The following CCDC125 variants were observed in gnomAD, a reference collection of about 807,000 sequenced individuals.
The protein encoded by CCDC125 is coiled-coil domain-containing protein 125.
A neutral mutation model predicts 57.4 loss-of-function variants in CCDC125; 43 were observed. The ratio of observed to expected loss-of-function variants is 0.75; its 90% CI spans 0.59 to 0.97. CCDC125 has a LOEUF of 0.97. Among genes scored for constraint, CCDC125 ranks in the 50% least tolerant of loss-of-function variants. CCDC125 has a pLI of 0.00. For synonymous variants in CCDC125, 187 were observed against 195.2 expected (o/e 0.96, Z 0.35); for missense variants, 563 against 595.7 (o/e 0.95, Z 0.57).
downstream of CCDC125, among the ~76,000 whole-genome samples, chr5:69,275,186 G>GA (rs1197753255): frequency 6.6e-6 from 1 of 151,990 alleles, no homozygotes; most frequent in Non-Finnish European, 1.5e-5. Context: ...ATAGTAGGGG[G>GA]AAAAAAAGAG....
downstream of CCDC125, among the ~76,000 whole-genome samples, chr5:69,279,519 A>G (rs1482935770): frequency 2.0e-5 from 3 of 152,058 alleles, no homozygotes; most frequent in African/African-American, 7.2e-5. Context: ...TTATAGTTGC[A>G]ATTCTTGTGC....
In CCDC125 at chr5:69,282,752, A is replaced by G. The variant is rs571097830; in HGVS notation, c.1513T>C (p.Leu505=). ...CTTTAAAATATGATACTTGATGGCAAAGAATGGGATCTTTTAAGAGTTCTA... is the reference window on the plus strand; with the variant it reads ...CTTTAAAATATGATACTTGATGGCAGAGAATGGGATCTTTTAAGAGTTCTA... ...NYRTLKRSHS[L]PSSIIF The change falls in exon 12 of 12, where the codon TTG becomes CTG. Residue 505 remains leucine, a synonymous_variant. Coordinates refer to ENST00000396496, the MANE Select transcript of CCDC125 (RefSeq NM_176816.5). 5.0e-6 allele frequency: 8 copies of G among 1,594,676 alleles called. No individual in the cohort carries two copies. The African/African-American group carries it at 8.1e-5, about 16-fold the overall frequency.
chr5:69,285,985 G>T (rs1753281479), intron 10 of CCDC125, among the ~76,000 whole-genome samples: 1 of 151,540 alleles, frequency 6.6e-6, no homozygotes, highest in African/African-American at 2.4e-5. Flanking sequence ...TCTAAAATGA[G>T]AATAGCATTA....
chr5:69,324,195 TA>T (rs975861217), intron 1 of CCDC125, among the ~76,000 whole-genome samples: 1 of 152,138 alleles, frequency 6.6e-6, no homozygotes, highest in Non-Finnish European at 1.5e-5. Flanking sequence ...TTTTCAATGT[TA>T]AAAACAAATA....
At chr5:69,306,958 G>T in intron 5 of CCDC125, 56 bp from the exon 6 acceptor site, 1 of 1,382,072 alleles carries the variant, frequency 7.2e-7, no homozygotes, top group Non-Finnish European at 9.4e-7. Context: ...ATCATTTCAG[G>T]ACATTGTGAA....
At chr5:69,278,823 C>T (rs951971247), downstream of CCDC125, among the ~76,000 whole-genome samples, 1 of 151,252 alleles carries the variant, frequency 6.6e-6, no homozygotes, top group African/African-American at 2.4e-5. Context: ...ACCTCTGTCC[C>T]CAGTAGCTGG....
intron 10 of CCDC125, among the ~76,000 whole-genome samples, chr5:69,287,665 G>T (rs1462832327): frequency 6.6e-6 from 1 of 151,562 alleles, no homozygotes; most frequent in South Asian, 2.1e-4. Context: ...AGCCTCCCAG[G>T]CTCAAGCGAT....
chr5:69,321,649 T>C (rs1760039251), intron 1 of CCDC125, among the ~76,000 whole-genome samples: 1 of 152,188 alleles, frequency 6.6e-6, no homozygotes, highest in Non-Finnish European at 1.5e-5. Flanking sequence ...AATAGTATCT[T>C]ATGGGACCAC....
At chr5:69,288,292 C>A (rs895942598) in intron 10 of CCDC125, among the ~76,000 whole-genome samples, 1 of 152,086 alleles carries the variant, frequency 6.6e-6, no homozygotes, top group African/African-American at 2.4e-5. Context: ...GCCAGGGGAA[C>A]CAATCTTGTG....
chr5:69,273,763 A>G, the CCDC125 span, among the ~76,000 whole-genome samples: 1 of 152,188 alleles, frequency 6.6e-6, no homozygotes, highest in African/African-American at 2.4e-5. Flanking sequence ...AGTAATATTA[A>G]GCATACAAAA....
chr5:69,299,405 G>A (rs368842914), intron 8 of CCDC125, among the ~76,000 whole-genome samples: 3 of 152,246 alleles, frequency 2.0e-5, no homozygotes, highest in Non-Finnish European at 2.9e-5. Flanking sequence ...CACCGTGCCC[G>A]GCCTTCTTAA....
intron 10 of CCDC125, among the ~76,000 whole-genome samples, chr5:69,287,761 G>T (rs2150320638): frequency 6.7e-6 from 1 of 149,726 alleles, no homozygotes; most frequent in East Asian, 2.0e-4. Context: ...TAGAGACAGG[G>T]TCTCCCTATG....
At chr5:69,318,250 G>T (rs577506568) in intron 2 of CCDC125, among the ~76,000 whole-genome samples, 1 of 151,468 alleles carries the variant, frequency 6.6e-6, no homozygotes, top group African/African-American at 2.4e-5. Context: ...AAAGTGCTGG[G>T]ATTACAGGCG....
chr5:69,280,011 TCA>T (rs773249892), downstream of CCDC125, among the ~76,000 whole-genome samples: 14 of 152,070 alleles, frequency 9.2e-5, no homozygotes, highest in Non-Finnish European at 1.5e-4. Flanking sequence ...TCGTGAGAAC[TCA>T]CAATCATGAG....
At chr5:69,312,786 A>C (rs572319494) in intron 3 of CCDC125, among the ~76,000 whole-genome samples, 1 of 152,352 alleles carries the variant, frequency 6.6e-6, no homozygotes, top group South Asian at 2.1e-4. Flanking sequence ...CTGGAAAGCC[A>C]AAATTTGCCT....
chr5:69,286,187 ACTATATATATATATATATAT>A (rs1274483236), intron 10 of CCDC125, among the ~76,000 whole-genome samples: 10 of 53,962 alleles, frequency 1.9e-4, no homozygotes, highest in African/African-American at 5.9e-4. Flanking sequence ...CAAATGGTAA[ACTATATATATATATATATAT>A]ATATATATAT....
intron 2 of CCDC125, among the ~76,000 whole-genome samples, chr5:69,314,936 G>C (rs563294033): frequency 6.6e-6 from 1 of 152,276 alleles, no homozygotes; most frequent in East Asian, 1.9e-4. Context: ...GCTTAAGCTT[G>C]AATGATGTAG....
In CCDC125 at chr5:69,311,175, C is replaced by T. The variant is rs771814232; in HGVS notation, c.396G>A (p.Glu132=). 1.9e-6 allele frequency: 3 copies of T among 1,610,522 alleles called. No individual in the cohort carries two copies. The highest frequency in any genetic ancestry group is 1.7e-6 in the Non-Finnish European group (2 of 1,177,814). ...EEVEMLKTEL[E]ASQRQLRGKE... ...TACCTCTGAGTTGTCTTTGAGATGCCTCAAGTTCAGTTTTTAACATTTCTA... is the reference window on the plus strand; with the variant it reads ...TACCTCTGAGTTGTCTTTGAGATGCTTCAAGTTCAGTTTTTAACATTTCTA... The change falls in exon 4 of 12, where the codon GAG becomes GAA. Residue 132 remains glutamate, a synonymous_variant. Coordinates refer to ENST00000396496, the MANE Select transcript of CCDC125 (RefSeq NM_176816.5).
At chr5:69,289,827 C>T (rs1754101755) in intron 10 of CCDC125, among the ~76,000 whole-genome samples, 1 of 146,354 alleles carries the variant, frequency 6.8e-6, no homozygotes, top group Non-Finnish European at 1.5e-5. Flanking sequence ...CACACCACTG[C>T]ACTCCAGCCT....
Sources: gnomAD v4.1 joint callset for allele counts (sites outside exome capture counted in the v4.1 genomes callset) on GRCh38, gnomAD v4.1.1 for gene constraint, MANE v1.5 for transcripts, NCBI Gene and HGNC (gene_info 2026-07-23, HGNC 2026-07-21) for gene names.